PDLIM5: variants seen among roughly 807,000 people sequenced by gnomAD.
PDLIM5 encodes the protein PDZ and LIM domain protein 5.
In PDLIM5, 34 loss-of-function variants were observed where a neutral mutation model predicts 64.2. That is an observed-to-expected ratio of 0.53 (90% CI 0.40 to 0.71). The LOEUF is 0.71. Among genes scored for constraint, PDLIM5 ranks in the 30% least tolerant of loss-of-function variants. The pLI, the probability that PDLIM5 is intolerant of heterozygous loss-of-function variation, is 0.00. For synonymous variants in PDLIM5, 253 were observed against 269.1 expected (o/e 0.94, Z 0.59); for missense variants, 683 against 733.6 (o/e 0.93, Z 0.80).
At chr4:94,516,117 T>C (rs1399508014) in intron 2 of PDLIM5, among the ~76,000 whole-genome samples, 1 of 152,198 alleles carries the variant, frequency 6.6e-6, no homozygotes, top group Admixed American at 6.5e-5. Context: ...TTTTACTAAA[T>C]AAGGGCTCAT....
intron 3 of PDLIM5, among the ~76,000 whole-genome samples, chr4:94,551,869 T>C (rs1249642540): frequency 6.6e-6 from 1 of 152,204 alleles, no homozygotes; most frequent in Non-Finnish European, 1.5e-5. Flanking sequence ...CAAGATGATA[T>C]GGAGAAGTGG....
chr4:94,666,714 AT>A lies in PDLIM5; in HGVS notation c.*2651del, dbSNP rs1163807298. ...AAAGTTATCTTACATTAAGGATGTC[AT>A]TTTCATCAGACCTTCTTTCTACATA... is the stretch of plus-strand genomic sequence containing the variant. On this transcript the variant is annotated 3_prime_UTR_variant, in exon 13 of 13. Coordinates refer to ENST00000317968, the MANE Select transcript of PDLIM5 (RefSeq NM_006457.5). 3 of 152,188 alleles carry A rather than the reference AT, an allele frequency of 2.0e-5. No individual in the cohort carries two copies. The highest frequency in any genetic ancestry group is 4.4e-5 in the Non-Finnish European group (3 of 68,032). 9.4% of individuals were successfully genotyped at this position (152,188 alleles called of 1,614,324 possible). A position where few individuals can be genotyped will look rare whatever the true frequency, so the allele number is the denominator to read the frequency against.
At chr4:94,505,184 T>TTA (rs1728279115) in intron 2 of PDLIM5, among the ~76,000 whole-genome samples, 3 of 152,106 alleles carry the variant, frequency 2.0e-5, no homozygotes, top group African/African-American at 7.2e-5. Context: ...ACTACCTACC[T>TTA]GGAGATAGCC....
chr4:94,564,952 A>G (rs1287969246), intron 3 of PDLIM5, among the ~76,000 whole-genome samples: 1 of 152,136 alleles, frequency 6.6e-6, no homozygotes, highest in Non-Finnish European at 1.5e-5. Flanking sequence ...CGCCACGCCC[A>G]GCCCGTCTGT....
intron 2 of PDLIM5, among the ~76,000 whole-genome samples, chr4:94,493,711 T>G (rs571056945): frequency 6.6e-6 from 1 of 152,274 alleles, no homozygotes; most frequent in South Asian, 2.1e-4. Context: ...GGCCAAAAGT[T>G]TATGTATTTT....
At chr4:94,590,260 G>A (rs1454698417) in intron 7 of PDLIM5, among the ~76,000 whole-genome samples, 1 of 151,984 alleles carries the variant, frequency 6.6e-6, no homozygotes, top group Admixed American at 6.6e-5. Flanking sequence ...TACAAATTGT[G>A]GTATTAGGAC....
At chr4:94,459,252 C>G (rs1271756552) in intron 2 of PDLIM5, among the ~76,000 whole-genome samples, 1 of 152,166 alleles carries the variant, frequency 6.6e-6, no homozygotes, top group Non-Finnish European at 1.5e-5. Flanking sequence ...TGTTTGGGCT[C>G]TTTTCTTCAC....
At chr4:94,573,882 G>T (rs1735021411) in intron 4 of PDLIM5, 1 of 156,632 alleles carries the variant, frequency 6.4e-6, no homozygotes, top group Non-Finnish European at 1.4e-5. Context: ...TGCTTTTGGG[G>T]GCTTTCTCCC....
chr4:94,605,260 G>T (rs1737821613), intron 7 of PDLIM5, among the ~76,000 whole-genome samples: 1 of 152,166 alleles, frequency 6.6e-6, no homozygotes, highest in South Asian at 2.1e-4. Context: ...CTACAGGATG[G>T]TAAGGATGGT....
intron 7 of PDLIM5, among the ~76,000 whole-genome samples, chr4:94,594,567 A>C (rs942111726): frequency 2.6e-5 from 4 of 152,156 alleles, no homozygotes; most frequent in Admixed American, 2.6e-4. Context: ...AGACCATAGA[A>C]AATTTTATTT....
At chr4:94,598,941 G>A (rs10019452) in intron 7 of PDLIM5, among the ~76,000 whole-genome samples, 14,993 of 152,010 alleles carry the variant, frequency 0.099, 1,082 homozygotes, top group African/African-American at 0.19. Context: ...ACAGGAATCA[G>A]TTGGTGTGTT....
In PDLIM5 at chr4:94,523,708, A is replaced by C; in HGVS notation, c.97-16A>C. Reference sequence around the variant, plus strand: ...TTTCAAAGAGTGACACTCCTAATGAAATATATTTATTACAGCTAAAAGATG... The same window carrying C: ...TTTCAAAGAGTGACACTCCTAATGACATATATTTATTACAGCTAAAAGATG... On this transcript the variant is annotated splice_polypyrimidine_tract_variant and intron_variant, in intron 2 of 12. Coordinates refer to ENST00000317968, the MANE Select transcript of PDLIM5 (RefSeq NM_006457.5). 6.2e-7 allele frequency: 1 copy of C among 1,602,636 alleles called. No homozygotes were observed. The highest frequency in any genetic ancestry group is 1.1e-5 in the South Asian group (1 of 90,502).
chr4:94,588,455 C>T (rs867136730), intron 7 of PDLIM5, among the ~76,000 whole-genome samples: 5 of 152,074 alleles, frequency 3.3e-5, no homozygotes, highest in South Asian at 2.1e-4. Context: ...CCCAGGTACT[C>T]GGGAGGCTGA....
intron 9 of PDLIM5, 89 bp from the exon 10 acceptor site, chr4:94,654,370 TG>T (rs1475156788): frequency 1.3e-6 from 1 of 796,962 alleles, no homozygotes; most frequent in Non-Finnish European, 2.1e-6. Flanking sequence ...AGTATTTAAT[TG>T]GTTGGACATT....
In PDLIM5 at chr4:94,618,238, A is replaced by T. The variant is rs769096250; in HGVS notation, c.1108+47A>T. The T allele has an allele frequency of 2.3e-6, 3 of 1,300,048 alleles. No individual in the cohort carries two copies. The African/African-American group carries it at 4.5e-5, about 19-fold the overall frequency. 80.5% of individuals were successfully genotyped at this position (1,300,048 alleles called of 1,614,324 possible). On this transcript the variant is annotated intron_variant, in intron 8 of 12. Transcript: ENST00000317968. Reference sequence around the variant, plus strand: ...CGTCTTGCTTTTCGTAATGAGTTTCATTATGAAAATGTGTTCTGGGATATA... The same window carrying T: ...CGTCTTGCTTTTCGTAATGAGTTTCTTTATGAAAATGTGTTCTGGGATATA...
chr4:94,587,694 A>C (rs1025509913), intron 7 of PDLIM5: 15 of 984,470 alleles, frequency 1.5e-5, no homozygotes, highest in Non-Finnish European at 1.8e-5. Flanking sequence ...CTCCTGAAAA[A>C]GGAAAGAAGA....
At chr4:94,600,844 T>TA (rs1277493880) in intron 7 of PDLIM5, among the ~76,000 whole-genome samples, 2 of 152,180 alleles carry the variant, frequency 1.3e-5, no homozygotes, top group African/African-American at 2.4e-5. Context: ...TTTGTATAGA[T>TA]AAAAAATGCT....
rs527845274 is a variant in PDLIM5 at position 94,583,996 on chromosome 4, A to G, written c.711-1569A>G. 4.5e-4 allele frequency among the ~76,000 whole-genome samples: 68 copies of G among 152,370 alleles called. 1 individual carries two copies. The highest frequency in any genetic ancestry group is 1.3e-3 in the African/African-American group (55 of 41,598). ...ACACACTGAATCTGATTTTAAAGCC[A>G]GTGTTACTAACTGTAATTCTATCCT... On this transcript the variant is annotated intron_variant, in intron 5 of 12. Transcript: ENST00000317968.
rs1737364927 is a variant in PDLIM5 at position 94,600,009 on chromosome 4, G to T, written c.920+13565G>T. On this transcript the variant is annotated intron_variant, in intron 7 of 12. Transcript: ENST00000317968. ...ATTAGATTAGGAGATACACAAAGCA[G>T]TGAAGAAATAAGAGTCCAGGAGATG... is the stretch of plus-strand genomic sequence containing the variant. Among the ~76,000 whole-genome samples the T allele has an allele frequency of 2.0e-5, 3 of 152,316 alleles. No homozygotes were observed. In the South Asian group the frequency reaches 6.2e-4, roughly 32 times the overall value.
Sources: allele counts gnomAD v4.1 joint callset (sites outside exome capture counted in the v4.1 genomes callset), GRCh38; gene constraint gnomAD v4.1.1; transcripts MANE v1.5; gene names NCBI Gene and HGNC (gene_info 2026-07-23, HGNC 2026-07-21).